Variants in ABCB10 observed in about 807,000 individuals in gnomAD.
The protein encoded by ABCB10 is ATP-binding cassette sub-family B member 10, mitochondrial.
A neutral mutation model predicts 65.4 loss-of-function variants in ABCB10; 54 were observed. The observed-to-expected ratio is 0.83, with a 90% CI of 0.66 to 1.04. The LOEUF is 1.04. Ranked by LOEUF, ABCB10 falls within the 50% of genes least tolerant of loss-of-function variation. The probability of loss-of-function intolerance (pLI) is 0.00; values close to 1 mark genes in which losing one functional copy is unlikely to be tolerated. For synonymous variants in ABCB10, 418 were observed against 406.5 expected (o/e 1.03, Z -0.34); for missense variants, 846 against 976.6 (o/e 0.87, Z 1.78).
At chr1:229,529,911 C>A (rs1042823162) in intron 8 of ABCB10, among the ~76,000 whole-genome samples, 3 of 152,016 alleles carry the variant, frequency 2.0e-5, no homozygotes, top group African/African-American at 7.3e-5. Context: ...GAGGGCATGT[C>A]CAGAGGAGAT....
intron 4 of ABCB10, 76 bp from the exon 5 acceptor site, chr1:229,540,828 T>G (rs1185733541): frequency 6.8e-7 from 1 of 1,464,820 alleles, no homozygotes; most frequent in Non-Finnish European, 9.1e-7. Context: ...AAATAAAATG[T>G]GGTTCTCATT....
chr1:229,535,173 T>C (rs1662686596), intron 6 of ABCB10: 2 of 151,480 alleles, frequency 1.3e-5, no homozygotes, highest in South Asian at 4.2e-4. Flanking sequence ...CCTATGATAC[T>C]GCCACTGTGC....
At chr1:229,520,893 C>T (rs566705934) in intron 11 of ABCB10, among the ~76,000 whole-genome samples, 3 of 152,212 alleles carry the variant, frequency 2.0e-5, no homozygotes, top group East Asian at 1.9e-4. Context: ...ATCCTGGGGC[C>T]GGAAACAAGG....
Position 229,539,480 on chromosome 1 carries a change from A to G in ABCB10, c.1315T>C (p.Phe439Leu). The change falls in exon 6 of 13, where the codon TTC becomes CTC. Residue 439 changes from phenylalanine (F) to leucine (L), a missense_variant. This residue lies in a region of ABCB10 where 632 missense variants were observed against 803.2 expected (regional missense o/e 0.79). Coordinates refer to ENST00000344517, the MANE Select transcript of ABCB10 (RefSeq NM_012089.3). Reference sequence around the variant, plus strand: ...CCTCCAATGCTTATTCCAACCCAGAAAGCATACATTAGGAAGGAAGAGAGT... The same window carrying G: ...CCTCCAATGCTTATTCCAACCCAGAGAGCATACATTAGGAAGGAAGAGAGT... ...GELSSFLMYA[F>L]WVGISIGGLS... The G allele has an allele frequency of 6.2e-7, 1 of 1,614,000 alleles. No individual in the cohort carries two copies. Among genetic ancestry groups the G allele is most frequent in the Non-Finnish European group, 8.5e-7 (1 of 1,179,872 alleles).
intron 10 of ABCB10, among the ~76,000 whole-genome samples, chr1:229,524,907 G>A (rs958918024): frequency 2.0e-5 from 3 of 151,960 alleles, no homozygotes; most frequent in African/African-American, 7.2e-5. Flanking sequence ...AGGCTGGAGT[G>A]CAATGGCACA....
At chr1:229,529,794 C>T (rs1026536736) in intron 8 of ABCB10, among the ~76,000 whole-genome samples, 3 of 152,062 alleles carry the variant, frequency 2.0e-5, no homozygotes, top group African/African-American at 4.8e-5. Flanking sequence ...ATCACTCCTG[C>T]GCCCAGCACG....
intron 1 of ABCB10, among the ~76,000 whole-genome samples, chr1:229,557,681 T>C (rs927907502): frequency 3.3e-5 from 5 of 152,178 alleles, no homozygotes; most frequent in Non-Finnish European, 5.9e-5. Flanking sequence ...TGTGAAAGCA[T>C]TGGTGACTGC....
chr1:229,540,054 T>A (rs1437286132), intron 5 of ABCB10, among the ~76,000 whole-genome samples: 1 of 152,158 alleles, frequency 6.6e-6, no homozygotes, highest in Non-Finnish European at 1.5e-5. Context: ...GGGCCACTGC[T>A]CCTTATCTGT....
Position 229,558,124 on chromosome 1 carries a change from G to A in ABCB10, c.517+12C>T. On this transcript the variant is annotated intron_variant, in intron 1 of 12. Coordinates refer to ENST00000344517, the MANE Select transcript of ABCB10 (RefSeq NM_012089.3). ...AGGCCCGGCGGAGGGAAGTGGCCGG[G>A]GAGGACCCTACCTGCCAGCCTCCGG... 1 of 1,380,306 alleles carries A rather than the reference G, an allele frequency of 7.2e-7. No individual in the cohort carries two copies. Among genetic ancestry groups the A allele is most frequent in the Non-Finnish European group, 9.4e-7 (1 of 1,069,472 alleles). The allele number at this position is 1,380,306 out of a possible 1,614,324, so 85.5% of individuals were successfully genotyped here.
chr1:229,549,653 A>T (rs1364388720), intron 1 of ABCB10, among the ~76,000 whole-genome samples: 1 of 152,196 alleles, frequency 6.6e-6, no homozygotes, highest in Non-Finnish European at 1.5e-5. Context: ...GTGAGTGATC[A>T]TATCTGAATC....
intron 1 of ABCB10, among the ~76,000 whole-genome samples, chr1:229,553,754 A>T (rs1663173035): frequency 6.6e-6 from 1 of 151,444 alleles, no homozygotes; most frequent in Non-Finnish European, 1.5e-5. Flanking sequence ...CTCCTAGGTT[A>T]GGCATTCGTT....
At chr1:229,547,823 T>C in intron 2 of ABCB10, 122 bp from the exon 3 acceptor site, 1 of 850,304 alleles carries the variant, frequency 1.2e-6, no homozygotes, top group Non-Finnish European at 1.9e-6. Context: ...ATGCAGCCTC[T>C]GAGCGTGTCT....
intron 9 of ABCB10, among the ~76,000 whole-genome samples, chr1:229,526,870 T>C (rs1277661316): frequency 6.6e-6 from 1 of 152,236 alleles, no homozygotes; most frequent in Non-Finnish European, 1.5e-5. Context: ...AAACTCATTA[T>C]GCAGAATAGT....
At chr1:229,527,355 C>CT in intron 8 of ABCB10, 47 bp from the exon 9 acceptor site, 1 of 1,517,680 alleles carries the variant, frequency 6.6e-7, no homozygotes. Flanking sequence ...TGTGATGAGG[C>CT]TGATGACCAA....
rs763803057 is a variant in ABCB10, at chr1:229,530,356, G to C, written c.1488C>G (p.Asn496Lys). 2 of 1,614,180 alleles carry C rather than the reference G, an allele frequency of 1.2e-6. No individual in the cohort carries two copies. Among genetic ancestry groups the C allele is most frequent in the Non-Finnish European group, 1.7e-6 (2 of 1,180,038 alleles). Reference protein sequence around the residue: ...KSFQGALEFKNVHFAYPARPE... With the variant: ...KSFQGALEFKKVHFAYPARPE... ...GGCGAGCTGGATAGGCAAAATGCAC[G>C]TTCTTAAACTCCAAAGCACCCTGGA... The change falls in exon 8 of 13, where the codon AAC becomes AAG. Residue 496 changes from asparagine to lysine, a missense_variant. Physicochemically the swap from Asn to Lys is moderately conservative, Grantham distance 94 (BLOSUM62 0). This residue lies in a region of ABCB10 where 632 missense variants were observed against 803.2 expected (regional missense o/e 0.79). Transcript: ENST00000344517.
intron 7 of ABCB10, among the ~76,000 whole-genome samples, chr1:229,531,392 G>C (rs1446125333): frequency 6.6e-6 from 1 of 152,144 alleles, no homozygotes; most frequent in African/African-American, 2.4e-5. Flanking sequence ...GGGGAACAGA[G>C]GGCAGCACAC....
At chr1:229,521,440 C>G in intron 11 of ABCB10, 152 bp downstream of exon 11, 1 of 814,368 alleles carries the variant, frequency 1.2e-6, no homozygotes, top group Non-Finnish European at 1.9e-6. Context: ...CACTAACTTA[C>G]CTTTCACCAG....
chr1:229,554,254 C>T (rs1663189534), intron 1 of ABCB10, among the ~76,000 whole-genome samples: 1 of 152,114 alleles, frequency 6.6e-6, no homozygotes, highest in South Asian at 2.1e-4. Context: ...ACATGAGCGG[C>T]TGACAGATGA....
intron 3 of ABCB10, 135 bp downstream of exon 3, chr1:229,547,364 C>T (rs1425846681): frequency 5.3e-6 from 5 of 944,390 alleles, no homozygotes; most frequent in Non-Finnish European, 7.9e-6. Flanking sequence ...CCAGCAGCTT[C>T]TGCAACAGCA....
Sources: allele counts gnomAD v4.1 joint callset (sites outside exome capture counted in the v4.1 genomes callset), GRCh38; gene constraint gnomAD v4.1.1; regional missense constraint gnomAD v4.1.1; transcripts MANE v1.5; gene names NCBI Gene and HGNC (gene_info 2026-07-23, HGNC 2026-07-21).